Variants in TP53I13 observed in about 807,000 individuals in gnomAD.
The protein encoded by TP53I13 is tumor protein p53 inducible protein 13, also known as tumor protein p53-inducible protein 13.
A neutral mutation model predicts 39.1 loss-of-function variants in TP53I13; 27 were observed. That is an observed-to-expected ratio of 0.69 (90% CI 0.51 to 0.95). The LOEUF (loss-of-function observed/expected upper bound fraction) is 0.95. TP53I13 is among the 40% of genes least tolerant of loss of function. TP53I13 has a pLI of 0.00. For missense variants in TP53I13, 544 were observed against 520.4 expected, an observed-to-expected ratio of 1.05 and a Z score of -0.44; for synonymous variants, 230 against 224.6, an observed-to-expected ratio of 1.02 and a Z score of -0.22.
chr17:29,572,782 G>A, intron 6 of TP53I13, 30 bp from the exon 7 acceptor site: 11 of 470,206 alleles, frequency 2.3e-5, no homozygotes, highest in Non-Finnish European at 3.8e-5. Context: ...CTGCCCTCCC[G>A]CCCTTGACTG....
At chr17:29,576,427 G>C, downstream of TP53I13, 9 of 1,612,848 alleles carry the variant, frequency 5.6e-6, no homozygotes, top group Non-Finnish European at 7.6e-6. Context: ...GGAGCTGCAG[G>C]TTCTCCGCCT....
At chr17:29,578,774 T>G in the TP53I13 span, 1 of 1,613,952 alleles carries the variant, frequency 6.2e-7, no homozygotes, top group Non-Finnish European at 8.5e-7. Flanking sequence ...TTCGGATAAG[T>G]CAAGGCTGAG....
upstream of TP53I13, chr17:29,566,870 C>T: frequency 6.6e-7 from 1 of 1,503,942 alleles, no homozygotes; most frequent in Non-Finnish European, 8.8e-7. Flanking sequence ...CTCTCTCCGA[C>T]GGCGCGCCCC....
In TP53I13 at chr17:29,572,566, C is replaced by T; in HGVS notation, c.938C>T (p.Ala313Val). The T allele has an allele frequency of 3.8e-6, 6 of 1,599,068 alleles. No individual in the cohort carries two copies. The highest frequency in any genetic ancestry group is 5.1e-6 in the Non-Finnish European group (6 of 1,173,582). The change falls in exon 6 of 7, where the codon GCT becomes GTT. Residue 313 changes from alanine (A) to valine (V), a missense_variant. Ala to Val is a moderately conservative substitution (Grantham distance 64, BLOSUM62 0). Coordinates refer to ENST00000301057, the MANE Select transcript of TP53I13 (RefSeq NM_138349.4). ...PTPRTEEAAW[A>V]AMALTFLLVL... ...CCACGCACTGAAGAGGCCGCCTGGG[C>T]TGCCATGGCCCTGACCTTCCTGCTG...
upstream of TP53I13, chr17:29,567,099 G>A: frequency 1.4e-6 from 1 of 739,490 alleles, no homozygotes; most frequent in Non-Finnish European, 1.7e-6. The surrounding 1 kb of genome is among the most constrained non-coding windows in gnomAD (Gnocchi z 6.6). Context: ...CTCTGGATTG[G>A]CCGTGGCCGG....
chr17:29,571,905 G>A lies in TP53I13; in HGVS notation c.361G>A (p.Glu121Lys). 1 of 1,613,182 alleles carries A rather than the reference G, an allele frequency of 6.2e-7. No individual in the cohort carries two copies. The highest frequency in any genetic ancestry group is 8.5e-7 in the Non-Finnish European group (1 of 1,179,922). ...WGLALEMAWVEPAWAAHWLMR... is the reference protein window; with the variant it reads ...WGLALEMAWVKPAWAAHWLMR... Reference sequence around the variant, plus strand: ...GCTGGCGCTGGAGATGGCCTGGGTAGAGCCAGCCTGGGCTGCCCACTGGCT... The same window carrying A: ...GCTGGCGCTGGAGATGGCCTGGGTAAAGCCAGCCTGGGCTGCCCACTGGCT... Residue 121 changes from glutamate to lysine, a missense_variant, in exon 5 of 7, where the codon GAG (glutamate) becomes AAG (lysine). Physicochemically the swap from Glu to Lys is moderately conservative, Grantham distance 56 (BLOSUM62 1). Transcript: ENST00000301057.
At chr17:29,578,406 G>A in the TP53I13 span, 4,141 of 1,597,616 alleles carry the variant, frequency 2.6e-3, 10 homozygotes, top group Non-Finnish European at 3.3e-3. Flanking sequence ...GTTGTCAGAT[G>A]CATCGGCTCC....
At chr17:29,578,852 C>A in the TP53I13 span, 43 of 1,567,346 alleles carry the variant, frequency 2.7e-5, no homozygotes, top group Middle Eastern at 6.7e-4. Flanking sequence ...TGCCAGCAAC[C>A]TCCCCAACAT....
rs759583587 is a variant in TP53I13 at position 29,569,397 on chromosome 17, C to T, written c.183+38C>T. The stretch of plus-strand genomic sequence containing the variant: ...AGGGGCCCACCACCCTTGGTGTCCA[C>T]GCCTGGAGACAGGCGCTCCTAGCAG... On this transcript the variant is annotated intron_variant, in intron 3 of 6. Coordinates refer to ENST00000301057, the MANE Select transcript of TP53I13 (RefSeq NM_138349.4). 1.9e-5 allele frequency: 30 copies of T among 1,606,104 alleles called. No individual in the cohort carries two copies. The East Asian group carries it at 3.8e-4, about 20-fold the overall frequency.
chr17:29,567,505 C>T (rs1453292502), upstream of TP53I13: 2 of 152,052 alleles, frequency 1.3e-5, no homozygotes, highest in Non-Finnish European at 2.9e-5. This position sits in a 1 kb window ranked among gnomAD's most constrained non-coding sequence, Gnocchi z 6.6. Context: ...TGCTCTCCCC[C>T]GCCCGGCCCC....
In TP53I13 at chr17:29,568,995, A is replaced by G. The variant is rs1356098028; in HGVS notation, c.73-23A>G. The G allele has an allele frequency of 1.2e-6, 2 of 1,604,700 alleles. No homozygotes were observed. The highest frequency in any genetic ancestry group is 8.5e-7 in the Non-Finnish European group (1 of 1,176,876). The stretch of plus-strand genomic sequence containing the variant: ...AGGGCCTCGCCGCGTCCAGCGCCCC[A>G]ACTCTTCGCTTTGGACCCACAGGTG... On this transcript the variant is annotated intron_variant, in intron 1 of 6. Coordinates refer to ENST00000301057, the MANE Select transcript of TP53I13 (RefSeq NM_138349.4). This position sits in a 1 kb window ranked among gnomAD's most constrained non-coding sequence, Gnocchi z 4.5.
In TP53I13 at chr17:29,573,016, G is replaced by GGTA. The variant is rs1227388152; in HGVS notation, c.*94_*95insAGT. ...GTGGACCGCGCGCGGGGCGCTCCCT[G>GGTA]GTGGCGATGGCGCGGCACTGGCCGA... On this transcript the variant is annotated 3_prime_UTR_variant, in exon 7 of 7. Coordinates refer to ENST00000301057, the MANE Select transcript of TP53I13 (RefSeq NM_138349.4). 3 of 1,057,710 alleles carry GGTA rather than the reference G, an allele frequency of 2.8e-6. No homozygotes were observed. The highest frequency in any genetic ancestry group is 3.7e-6 in the Non-Finnish European group (3 of 800,990). The allele number at this position is 1,057,710 out of a possible 1,614,324, so 65.5% of individuals were successfully genotyped here. A position where few individuals can be genotyped will look rare whatever the true frequency, so the allele number is the denominator to read the frequency against.
In TP53I13 at chr17:29,568,960, G is replaced by A; in HGVS notation, c.73-58G>A. Reference sequence around the variant, plus strand: ...TCCGCTGGCGGGCTGGGCCTGGGGAGAGAGAGGGCAGGGCCTCGCCGCGTC... The same window carrying A: ...TCCGCTGGCGGGCTGGGCCTGGGGAAAGAGAGGGCAGGGCCTCGCCGCGTC... On this transcript the variant is annotated intron_variant, in intron 1 of 6. Transcript: ENST00000301057. This position sits in a 1 kb window ranked among gnomAD's most constrained non-coding sequence, Gnocchi z 4.5. 6.3e-7 allele frequency: 1 copy of A among 1,592,270 alleles called. No individual in the cohort carries two copies.
At chr17:29,575,997 C>T (rs1460244960), downstream of TP53I13, 1 of 1,557,384 alleles carries the variant, frequency 6.4e-7, no homozygotes. The surrounding 1 kb of genome is among the most constrained non-coding windows in gnomAD (Gnocchi z 5.5). Context: ...TCATCTTAAG[C>T]CCCGAATTCA....
At chr17:29,574,682 TG>T, downstream of TP53I13, 1 of 1,584,206 alleles carries the variant, frequency 6.3e-7, no homozygotes, top group Non-Finnish European at 8.7e-7. Context: ...AGGGTGCAGG[TG>T]AGGGTGTGGG....
chr17:29,577,757 C>T, downstream of TP53I13: 1 of 1,549,532 alleles, frequency 6.5e-7, no homozygotes, highest in South Asian at 1.1e-5. Context: ...AGGGGACGGA[C>T]AGGAGCAGAT....
downstream of TP53I13, chr17:29,575,235 C>G (rs1598562917): frequency 6.3e-7 from 1 of 1,575,926 alleles, no homozygotes; most frequent in East Asian, 2.2e-5. The surrounding 1 kb of genome is among the most constrained non-coding windows in gnomAD (Gnocchi z 5.5). Context: ...CTCTGCAACA[C>G]CCTAGAAGCC....
chr17:29,577,497 G>C, downstream of TP53I13: 1 of 702,792 alleles, frequency 1.4e-6, no homozygotes, highest in East Asian at 2.6e-5. Context: ...ACAGCCTCCT[G>C]ACCTTCCCAA....
In TP53I13 at chr17:29,572,272, C is replaced by G. The variant is rs2032972114; in HGVS notation, c.644C>G (p.Pro215Arg). ...RRLRAALGPQ[P>R]TRSALRFPSA... ...CTGCGGGCTGCCCTTGGTCCCCAGC[C>G]CACTCGCTCAGCCCTGAGGTTTCCC... Residue 215 changes from proline (P) to arginine (R), a missense_variant, in exon 6 of 7, where the codon CCC becomes CGC. By Grantham distance (103) the Pro-to-Arg change is moderately radical (BLOSUM62 -2). Coordinates refer to ENST00000301057, the MANE Select transcript of TP53I13 (RefSeq NM_138349.4). 2 of 1,612,784 alleles carry G rather than the reference C, an allele frequency of 1.2e-6. No individual in the cohort carries two copies. The highest frequency in any genetic ancestry group is 2.2e-5 in the East Asian group (1 of 44,898).
Sources: gnomAD v4.1 joint callset for allele counts on GRCh38, gnomAD v4.1.1 for gene constraint, Gnocchi (gnomAD v3.1) non-coding constraint, MANE v1.5 for transcripts, NCBI Gene and HGNC (gene_info 2026-07-23, HGNC 2026-07-21) for gene names.